Variants in VPS35 observed in about 807,000 individuals in gnomAD.
VPS35 encodes VPS35 retromer complex component.
Under a neutral mutation model 98.1 loss-of-function variants are expected in VPS35, and 21 were observed. The ratio of observed to expected loss-of-function variants is 0.21; its 90% confidence interval spans 0.15 to 0.31. VPS35 has a LOEUF of 0.31. Ranked by LOEUF, VPS35 falls within the 10% of genes least tolerant of loss-of-function variation. VPS35 has a pLI of 1.00. For synonymous variants in VPS35, 268 were observed against 318.2 expected, an observed-to-expected ratio of 0.84 and a Z score of 1.68; for missense variants, 554 against 950.8, an observed-to-expected ratio of 0.58 and a Z score of 5.49.
At chr16:46,662,130 T>C in intron 15 of VPS35, 113 bp downstream of exon 15, 1 of 1,578,988 alleles carries the variant, frequency 6.3e-7, no homozygotes, top group Non-Finnish European at 8.6e-7. Context: ...AAAGCAATTT[T>C]GTTCATCAGA....
chr16:46,681,590 A>C, intron 3 of VPS35, 90 bp from the exon 4 acceptor site: 1 of 1,444,288 alleles, frequency 6.9e-7, no homozygotes, highest in Non-Finnish European at 9.6e-7. Flanking sequence ...ACTACTGGGC[A>C]GACATCTTAA....
At chr16:46,673,388 G>T (rs1966095623) in intron 10 of VPS35, 1 of 152,222 alleles carries the variant, frequency 6.6e-6, no homozygotes, top group Non-Finnish European at 1.5e-5. Context: ...AGGAAAAAAA[G>T]AAGAAATTTT....
In VPS35 at chr16:46,662,527, T is replaced by C. The variant is rs373895312; in HGVS notation, c.1828-45A>G. Reference sequence around the variant, plus strand: ...AAGGACTTTCAAGGACCAACCATCCTCTAGTTGAGCATTTTCCAAAGTACT... The same window carrying C: ...AAGGACTTTCAAGGACCAACCATCCCCTAGTTGAGCATTTTCCAAAGTACT... On this transcript the variant is annotated intron_variant, in intron 14 of 16. Transcript: ENST00000299138. The C allele has an allele frequency of 1.2e-3, 1,895 of 1,608,024 alleles. 2 individuals carry two copies. The highest frequency in any genetic ancestry group is 1.5e-3 in the Non-Finnish European group (1,768 of 1,179,950).
chr16:46,660,820 C>G (rs372099857), intron 16 of VPS35, 169 bp from the exon 17 acceptor site: 1 of 277,280 alleles, frequency 3.6e-6, no homozygotes, highest in African/African-American at 3.0e-5. Flanking sequence ...TACTGACTAT[C>G]AAAAAAAAAA....
chr16:46,686,344 T>C (rs556174113), intron 1 of VPS35, among the ~76,000 whole-genome samples: 2 of 152,318 alleles, frequency 1.3e-5, no homozygotes, highest in African/African-American at 2.4e-5. Context: ...TTTTATTATA[T>C]AGCAAATGAA....
intron 13 of VPS35, among the ~76,000 whole-genome samples, chr16:46,666,826 T>TAC (rs1288132761): frequency 6.6e-6 from 1 of 152,220 alleles, no homozygotes; most frequent in Non-Finnish European, 1.5e-5. Flanking sequence ...TATACGTATA[T>TAC]ACACACACAT....
chr16:46,662,072 C>A, intron 15 of VPS35, 171 bp downstream of exon 15: 1 of 1,330,720 alleles, frequency 7.5e-7, no homozygotes, highest in South Asian at 1.3e-5. Flanking sequence ...ACAATATCCT[C>A]AAAGCAGAGG....
chr16:46,671,038 C>T (rs1966060831), intron 12 of VPS35, among the ~76,000 whole-genome samples: 1 of 151,850 alleles, frequency 6.6e-6, no homozygotes, highest in African/African-American at 2.4e-5. Context: ...CACTGATACA[C>T]CTACTCAGGC....
At chr16:46,680,021 A>G (rs893189570) in intron 5 of VPS35, among the ~76,000 whole-genome samples, 1 of 152,170 alleles carries the variant, frequency 6.6e-6, no homozygotes, top group Non-Finnish European at 1.5e-5. Context: ...AAATGAATAA[A>G]CTTTTTAAAA....
intron 2 of VPS35, chr16:46,682,392 T>C (rs1966248495): frequency 4.0e-6 from 2 of 503,676 alleles, no homozygotes; most frequent in African/African-American, 3.9e-5. Context: ...AGACTTAACA[T>C]AGCTAAGACT....
intron 8 of VPS35, chr16:46,676,368 T>G (rs1966152917): frequency 1.9e-6 from 1 of 523,262 alleles, no homozygotes; most frequent in African/African-American, 1.9e-5. Context: ...ATTCATTATC[T>G]TCACGTCTCC....
Position 46,671,746 on chromosome 16 carries a change from T to A in VPS35, c.1483A>T (p.Ile495Phe), listed in dbSNP as rs761848190. 9.3e-6 allele frequency: 15 copies of A among 1,614,048 alleles called. No homozygotes were observed. The highest frequency in any genetic ancestry group is 1.3e-5 in the African/African-American group (1 of 74,936). ...GGGTCCTCAGAGCGCAGCAGATGAA[T>A]GAAGCGGCCCACAAGGCTCTGCTCA... ...ADEQSLVGRFIHLLRSEDPDQ... is the reference protein window; with the variant it reads ...ADEQSLVGRFFHLLRSEDPDQ... The change falls in exon 12 of 17, where the codon ATT becomes TTT. Residue 495 changes from isoleucine (I) to phenylalanine (F), a missense_variant. Physicochemically the swap from Ile to Phe is conservative, Grantham distance 21 (BLOSUM62 0). This residue lies in a region of VPS35 where 254 missense variants were observed against 390.1 expected (regional missense o/e 0.65). Coordinates refer to ENST00000299138, the MANE Select transcript of VPS35 (RefSeq NM_018206.6).
chr16:46,682,265 T>C, intron 2 of VPS35, 90 bp from the exon 3 acceptor site: 1 of 1,004,718 alleles, frequency 1.0e-6, no homozygotes, highest in Non-Finnish European at 1.5e-6. Flanking sequence ...AAGGACTTGT[T>C]ACATAGTTTT....
intron 4 of VPS35, among the ~76,000 whole-genome samples, 168 bp from the exon 5 acceptor site, chr16:46,681,021 T>TA (rs903244319): frequency 7.7e-6 from 1 of 129,360 alleles, no homozygotes; most frequent in Admixed American, 9.0e-5. Context: ...GACTGACCTC[T>TA]AAAAAAACTA....
At chr16:46,686,892 C>T (rs1449768816) in intron 1 of VPS35, among the ~76,000 whole-genome samples, 1 of 152,214 alleles carries the variant, frequency 6.6e-6, no homozygotes, top group South Asian at 2.1e-4. Context: ...CTCAAGTCTA[C>T]AGTTCTAATG....
intron 2 of VPS35, 170 bp from the exon 3 acceptor site, chr16:46,682,345 C>G (rs528114262): frequency 1.7e-6 from 1 of 601,284 alleles, no homozygotes; most frequent in Non-Finnish European, 3.0e-6. Context: ...ACCTTGCCGT[C>G]TCTACTGAAA....
Position 46,660,415 on chromosome 16 carries a change from C to G in VPS35, c.*57G>C, listed in dbSNP as rs548502981. ...CACAATCTATGGAAGGGAAACCTAG[C>G]GTAATAAAACCCTCACTGGATGTAC... On this transcript the variant is annotated 3_prime_UTR_variant, in exon 17 of 17. Transcript: ENST00000299138. The G allele has an allele frequency of 1.9e-6, 3 of 1,598,832 alleles. No individual in the cohort carries two copies. The highest frequency in any genetic ancestry group is 2.6e-6 in the Non-Finnish European group (3 of 1,172,662).
At chr16:46,665,628 C>G (rs540060715) in intron 13 of VPS35, among the ~76,000 whole-genome samples, 3 of 151,282 alleles carry the variant, frequency 2.0e-5, no homozygotes, top group South Asian at 2.1e-4. Flanking sequence ...AGTCATAGAC[C>G]TTGGCACAGT....
chr16:46,674,684 T>C, intron 8 of VPS35, 24 bp from the exon 9 acceptor site: 1 of 1,482,510 alleles, frequency 6.7e-7, no homozygotes, highest in East Asian at 2.3e-5. Flanking sequence ...AAACACCCCT[T>C]TATTTTAAAA....
Sources: gnomAD v4.1 joint callset for allele counts (sites outside exome capture counted in the v4.1 genomes callset) on GRCh38, gnomAD v4.1.1 for gene constraint, gnomAD v4.1.1 regional missense constraint, MANE v1.5 for transcripts, NCBI Gene and HGNC (gene_info 2026-07-23, HGNC 2026-07-21) for gene names.